QKI: variants seen among roughly 807,000 people sequenced by gnomAD.
QKI encodes the protein QKI, KH domain containing RNA binding, also known as KH domain-containing RNA-binding protein QKI.
In QKI, 10 loss-of-function variants were observed where a neutral mutation model predicts 39.0. The observed-to-expected ratio is 0.26, with a 90% CI of 0.16 to 0.43. The LOEUF is 0.43. Among genes scored for constraint, QKI ranks in the 20% least tolerant of loss-of-function variants. The pLI is 1.00. For synonymous variants in QKI, 204 were observed against 155.4 expected (o/e 1.31, Z -2.33); for missense variants, 218 against 428.0 (o/e 0.51, Z 4.33).
chr6:163,554,538 G>A (rs553397136), intron 4 of QKI, among the ~76,000 whole-genome samples: 6 of 152,318 alleles, frequency 3.9e-5, no homozygotes, highest in African/African-American at 1.4e-4. Flanking sequence ...TGATCAACCA[G>A]ATGAATATTC....
intron 3 of QKI, among the ~76,000 whole-genome samples, chr6:163,507,716 G>A (rs1403981136): frequency 6.6e-6 from 1 of 152,044 alleles, no homozygotes; most frequent in African/African-American, 2.4e-5. Flanking sequence ...TCAAGATATT[G>A]CCTACTACAA....
intron 1 of QKI, among the ~76,000 whole-genome samples, chr6:163,424,641 A>C (rs1220067842): frequency 6.9e-6 from 1 of 144,814 alleles, no homozygotes; most frequent in Non-Finnish European, 1.5e-5. Flanking sequence ...TTGGTTTTTA[A>C]TTTTTTTTTT....
At chr6:163,463,115 G>A (rs1359544738) in intron 2 of QKI, among the ~76,000 whole-genome samples, 1 of 152,114 alleles carries the variant, frequency 6.6e-6, no homozygotes, top group Non-Finnish European at 1.5e-5. Flanking sequence ...AAGTAAACTT[G>A]GATTTGAATA....
chr6:163,471,565 G>A (rs1000151194), intron 2 of QKI, among the ~76,000 whole-genome samples: 1 of 152,048 alleles, frequency 6.6e-6, no homozygotes, highest in Admixed American at 6.6e-5. Context: ...TATGGGAAAA[G>A]GGTAAAAGTA....
chr6:163,465,872 C>A (rs1017434740), intron 2 of QKI, among the ~76,000 whole-genome samples: 1 of 151,570 alleles, frequency 6.6e-6, no homozygotes, highest in African/African-American at 2.4e-5. Context: ...ACCTGTAATC[C>A]CAGAACTTTG....
chr6:163,428,457 CAT>C (rs974416037), intron 1 of QKI, among the ~76,000 whole-genome samples: 53 of 152,020 alleles, frequency 3.5e-4, no homozygotes, highest in African/African-American at 1.3e-3. Flanking sequence ...GAAAATGTGT[CAT>C]AGTTTACTAT....
intron 4 of QKI, among the ~76,000 whole-genome samples, chr6:163,553,795 C>T (rs1193487660): frequency 6.6e-6 from 1 of 152,064 alleles, no homozygotes; most frequent in East Asian, 1.9e-4. Context: ...ACATATTGTC[C>T]TAAGGTACAA....
chr6:163,576,003 T>C lies in QKI; in HGVS notation c.*5293T>C, dbSNP rs1267053356. On this transcript the variant is annotated 3_prime_UTR_variant, in exon 8 of 8. Coordinates refer to ENST00000361752, the MANE Select transcript of QKI (RefSeq NM_006775.3). ...AATAGAACTTACTGCCAAATGATTA[T>C]TTATTTAGCAAAAATTATTCTCCAA... 1 of 151,736 alleles carries C rather than the reference T, an allele frequency of 6.6e-6. No individual in the cohort carries two copies. Among genetic ancestry groups the C allele is most frequent in the African/African-American group, 2.4e-5 (1 of 41,046 alleles). 9.4% of individuals were successfully genotyped at this position (151,736 alleles called of 1,614,324 possible).
chr6:163,489,128 T>C (rs1329293467), intron 3 of QKI, among the ~76,000 whole-genome samples: 1 of 151,884 alleles, frequency 6.6e-6, no homozygotes, highest in Non-Finnish European at 1.5e-5. Context: ...GGTCATTTAA[T>C]GGGAGTGTAT....
chr6:163,429,402 A>T (rs78605926), intron 1 of QKI, among the ~76,000 whole-genome samples: 7 of 152,174 alleles, frequency 4.6e-5, no homozygotes, highest in Non-Finnish European at 1.0e-4. Context: ...TTTAAAAAAA[A>T]TTATATCATG....
chr6:163,506,652 T>C (rs952993144), intron 3 of QKI, among the ~76,000 whole-genome samples: 3 of 152,224 alleles, frequency 2.0e-5, no homozygotes, highest in African/African-American at 4.8e-5. Context: ...CTTAGTCTGC[T>C]ATAGTGGATT....
chr6:163,540,743 T>C (rs1781454652), intron 4 of QKI, among the ~76,000 whole-genome samples: 1 of 152,158 alleles, frequency 6.6e-6, no homozygotes, highest in Admixed American at 6.5e-5. Flanking sequence ...AGATGTTTCT[T>C]TGATTTTGAT....
At chr6:163,515,186 G>A (rs1022644493) in intron 3 of QKI, among the ~76,000 whole-genome samples, 3 of 152,062 alleles carry the variant, frequency 2.0e-5, no homozygotes, top group African/African-American at 4.8e-5. Context: ...TATTTAATGA[G>A]AATAATGTAC....
rs1206489706 is a variant in QKI at position 163,488,711 on chromosome 6, AT to A, written c.402+9820del. Among the ~76,000 whole-genome samples the A allele has an allele frequency of 2.0e-5, 3 of 152,156 alleles. No homozygotes were observed. In the East Asian group the frequency reaches 5.8e-4, roughly 29 times the overall value. On this transcript the variant is annotated intron_variant, in intron 3 of 7. Coordinates refer to ENST00000361752, the MANE Select transcript of QKI (RefSeq NM_006775.3). ...ACCATCTCTTAAAGCAGCTGGAATA[AT>A]TTTTACTATGTAACAGTTGTGCTAG...
At position 163,570,971 on chromosome 6, in the gene QKI, C is replaced by T. The variant is rs1314905699; in HGVS notation, c.*261C>T. 1.3e-5 allele frequency: 5 copies of T among 386,080 alleles called. No homozygotes were observed. The highest frequency in any genetic ancestry group is 8.7e-5 in the East Asian group (2 of 22,874). 23.9% of individuals were successfully genotyped at this position (386,080 alleles called of 1,614,324 possible). A position where few individuals can be genotyped will look rare whatever the true frequency, so the allele number is the denominator to read the frequency against. Reference sequence around the variant, plus strand: ...TGAATAGTAGTAAAGCAATAAGGCCCAATTCATCCCACAGCACTGATCATC... The same window carrying T: ...TGAATAGTAGTAAAGCAATAAGGCCTAATTCATCCCACAGCACTGATCATC... On this transcript the variant is annotated 3_prime_UTR_variant, in exon 8 of 8. Transcript: ENST00000361752.
chr6:163,475,143 A>C (rs1232459852), intron 2 of QKI, among the ~76,000 whole-genome samples: 1 of 152,132 alleles, frequency 6.6e-6, no homozygotes, highest in Admixed American at 6.6e-5. Flanking sequence ...GTACCATATA[A>C]TTTACCATAA....
intron 3 of QKI, among the ~76,000 whole-genome samples, chr6:163,494,922 T>A (rs1485732318): frequency 2.8e-5 from 4 of 145,258 alleles, no homozygotes; most frequent in African/African-American, 1.1e-4. Flanking sequence ...TTTATTTATT[T>A]ATTTTTTTTT....
At chr6:163,547,777 T>C (rs776549918) in intron 4 of QKI, among the ~76,000 whole-genome samples, 5 of 152,090 alleles carry the variant, frequency 3.3e-5, no homozygotes, top group Non-Finnish European at 7.4e-5. Context: ...ATATCTTTTC[T>C]CCATCTCCAC....
intron 2 of QKI, among the ~76,000 whole-genome samples, chr6:163,465,703 A>T (rs1791690080): frequency 1.3e-5 from 2 of 152,126 alleles, no homozygotes; most frequent in African/African-American, 4.8e-5. Flanking sequence ...GCAGTGGCAT[A>T]ATCTTGTATG....
Sources: gnomAD v4.1 joint callset for allele counts (sites outside exome capture counted in the v4.1 genomes callset) on GRCh38, gnomAD v4.1.1 for gene constraint, MANE v1.5 for transcripts, NCBI Gene and HGNC (gene_info 2026-07-23, HGNC 2026-07-21) for gene names.